PRKAG2: variants seen among roughly 807,000 people sequenced by gnomAD.
PRKAG2 encodes the protein 5'-AMP-activated protein kinase subunit gamma-2.
In PRKAG2, 26 loss-of-function variants were observed where a neutral mutation model predicts 69.6. The observed-to-expected ratio is 0.37, with a 90% CI of 0.27 to 0.52. The LOEUF (loss-of-function observed/expected upper bound fraction) is 0.52, where lower values mean the gene tolerates loss of function less well. Ranked by LOEUF, PRKAG2 falls within the 20% of genes least tolerant of loss-of-function variation. The probability of loss-of-function intolerance (pLI) is 0.90; values close to 1 mark genes in which losing one functional copy is unlikely to be tolerated. For synonymous variants in PRKAG2, 293 were observed against 285.0 expected (o/e 1.03, Z -0.28); for missense variants, 557 against 740.0 (o/e 0.75, Z 2.87).
chr7:151,645,294 GGC>G (rs964182402), intron 4 of PRKAG2, among the ~76,000 whole-genome samples: 1 of 152,204 alleles, frequency 6.6e-6, no homozygotes, highest in Admixed American at 6.5e-5. Flanking sequence ...ATGCGGGAGA[GGC>G]CCATGTCAAT....
chr7:151,576,827 C>T (rs1458003534), intron 6 of PRKAG2, among the ~76,000 whole-genome samples: 1 of 152,052 alleles, frequency 6.6e-6, no homozygotes, highest in African/African-American at 2.4e-5. Context: ...CATATTTGAC[C>T]AAGTCTTATC....
At chr7:151,631,543 G>T in intron 5 of PRKAG2, 1 of 325,458 alleles carries the variant, frequency 3.1e-6, no homozygotes, top group Non-Finnish European at 6.5e-6. Context: ...CAGAAATGAC[G>T]GAGTGAGAGG....
At chr7:151,576,822 T>C (rs1809062610) in intron 6 of PRKAG2, among the ~76,000 whole-genome samples, 1 of 152,172 alleles carries the variant, frequency 6.6e-6, no homozygotes, top group Non-Finnish European at 1.5e-5. Context: ...CTTAACATAT[T>C]TGACCAAGTC....
intron 3 of PRKAG2, among the ~76,000 whole-genome samples, chr7:151,739,276 G>A (rs1295528749): frequency 1.3e-5 from 2 of 152,132 alleles, no homozygotes; most frequent in African/African-American, 4.8e-5. Context: ...ACCCATCTCT[G>A]TCTAGAATGA....
intron 3 of PRKAG2, among the ~76,000 whole-genome samples, chr7:151,709,679 T>C (rs887048891): frequency 1.5e-4 from 23 of 152,124 alleles, no homozygotes; most frequent in African/African-American, 5.6e-4. Context: ...ACATGTGACA[T>C]TGTGTGACAC....
chr7:151,592,768 A>T (rs555476116), intron 6 of PRKAG2, among the ~76,000 whole-genome samples: 2 of 152,202 alleles, frequency 1.3e-5, no homozygotes, highest in South Asian at 4.2e-4. Flanking sequence ...GATTTATTTA[A>T]CTGGTCTCTT....
At chr7:151,645,770 A>T (rs1409255098) in intron 4 of PRKAG2, among the ~76,000 whole-genome samples, 1 of 152,208 alleles carries the variant, frequency 6.6e-6, no homozygotes, top group African/African-American at 2.4e-5. Context: ...TAGCTAAGAA[A>T]TCTTTGCCTC....
chr7:151,565,650 A>G, intron 12 of PRKAG2, 70 bp downstream of exon 12: 2 of 1,551,004 alleles, frequency 1.3e-6, no homozygotes, highest in Non-Finnish European at 1.8e-6. Flanking sequence ...CTCCTGTGCC[A>G]GGTCATCTTA....
rs1806558867 is a variant in PRKAG2, at chr7:151,567,613, C to A, written c.1233+1103G>T. 6.6e-6 allele frequency among the ~76,000 whole-genome samples: 1 copy of A among 152,288 alleles called. No individual in the cohort carries two copies. Among genetic ancestry groups the A allele is most frequent in the African/African-American group, 2.4e-5 (1 of 41,570 alleles). On this transcript the variant is annotated intron_variant, in intron 11 of 15. Transcript: ENST00000287878. The surrounding 1 kb of genome is among the most constrained non-coding windows in gnomAD (Gnocchi z 4.2). ...AGTCTGATAAACAATGCGGATGCAT[C>A]CCTAATCCCTTTTTCCTAGATTATC...
chr7:151,846,444 A>G (rs59218083), intron 1 of PRKAG2, among the ~76,000 whole-genome samples: 12,826 of 152,184 alleles, frequency 0.084, 1,024 homozygotes, highest in East Asian at 0.38. Flanking sequence ...CTCCAGCCTG[A>G]CGACAGAAAC....
intron 4 of PRKAG2, among the ~76,000 whole-genome samples, chr7:151,635,849 G>A (rs960973294): frequency 3.3e-5 from 5 of 151,672 alleles, no homozygotes; most frequent in Non-Finnish European, 5.9e-5. Context: ...TTAATTCTGT[G>A]GAGGAAATGA....
At chr7:151,676,591 T>C (rs937424563) in intron 3 of PRKAG2, among the ~76,000 whole-genome samples, 3 of 152,160 alleles carry the variant, frequency 2.0e-5, no homozygotes, top group Non-Finnish European at 4.4e-5. Flanking sequence ...TCCATAGACT[T>C]ATTTATGTAA....
At chr7:151,731,678 T>C (rs918298040) in intron 3 of PRKAG2, among the ~76,000 whole-genome samples, 1 of 152,130 alleles carries the variant, frequency 6.6e-6, no homozygotes, top group African/African-American at 2.4e-5. Flanking sequence ...CCGTGGTTCC[T>C]GGAAAAGACT....
intron 4 of PRKAG2, among the ~76,000 whole-genome samples, chr7:151,639,688 TTTTCAGGCCTTTGGCCTTGGACTGAGAA>T (rs1245141167): frequency 6.6e-6 from 1 of 152,174 alleles, no homozygotes; most frequent in Non-Finnish European, 1.5e-5. Flanking sequence ...AGCCCTCTGG[TTTTCAGGCCTTTGGCCTTGGACTGAGAA>T]TTACGCCACT....
At chr7:151,846,523 T>C (rs972612402) in intron 1 of PRKAG2, among the ~76,000 whole-genome samples, 9 of 152,034 alleles carry the variant, frequency 5.9e-5, no homozygotes, top group African/African-American at 2.2e-4. Flanking sequence ...GATATAAAAA[T>C]TGTGCAGGTG....
chr7:151,722,611 A>G (rs1234784671), intron 3 of PRKAG2, among the ~76,000 whole-genome samples: 1 of 151,912 alleles, frequency 6.6e-6, no homozygotes, highest in Non-Finnish European at 1.5e-5. Flanking sequence ...GATCCTGTCT[A>G]TTCTCCAGAA....
chr7:151,720,672 AG>A (rs1165347987), intron 3 of PRKAG2, among the ~76,000 whole-genome samples: 1 of 40,276 alleles, frequency 2.5e-5, no homozygotes. Flanking sequence ...GAGGGGATGG[AG>A]GGGGATGGAG....
intron 1 of PRKAG2, among the ~76,000 whole-genome samples, chr7:151,821,492 G>A (rs59048436): frequency 0.067 from 10,265 of 152,292 alleles, 612 homozygotes; most frequent in East Asian, 0.24. Context: ...AGCCTCAATG[G>A]CACTGCTGAG....
At chr7:151,833,981 G>C (rs2079094200) in intron 1 of PRKAG2, among the ~76,000 whole-genome samples, 1 of 152,188 alleles carries the variant, frequency 6.6e-6, no homozygotes. Flanking sequence ...CCATGGCGGG[G>C]GCCAGGCAGG....
Sources: gnomAD v4.1 joint callset for allele counts (sites outside exome capture counted in the v4.1 genomes callset) on GRCh38, gnomAD v4.1.1 for gene constraint, Gnocchi (gnomAD v3.1) non-coding constraint, MANE v1.5 for transcripts, NCBI Gene and HGNC (gene_info 2026-07-23, HGNC 2026-07-21) for gene names.